Variants in FRMD4B observed in about 807,000 individuals in gnomAD.
FRMD4B encodes FERM domain containing 4B.
A neutral mutation model predicts 141.5 loss-of-function variants in FRMD4B; 74 were observed. The observed-to-expected ratio is 0.52, with a 90% CI of 0.43 to 0.63. The LOEUF (loss-of-function observed/expected upper bound fraction) is 0.63, where lower values mean the gene tolerates loss of function less well. Ranked by LOEUF, FRMD4B falls within the 30% of genes least tolerant of loss-of-function variation. The probability of loss-of-function intolerance (pLI) is 0.00; values close to 1 mark genes in which losing one functional copy is unlikely to be tolerated. For synonymous variants in FRMD4B, 506 were observed against 467.9 expected, an observed-to-expected ratio of 1.08 and a Z score of -1.05; for missense variants, 1,366 against 1,253.4, an observed-to-expected ratio of 1.09 and a Z score of -1.36.
At chr3:69,218,270 T>C in intron 10 of FRMD4B, 52 bp downstream of exon 10, 2 of 847,218 alleles carry the variant, frequency 2.4e-6, no homozygotes, top group Non-Finnish European at 2.0e-6. Context: ...AAGCTGGTAT[T>C]GTGCAATAAC....
At chr3:69,309,966 G>A (rs912247600) in intron 3 of FRMD4B, among the ~76,000 whole-genome samples, 9 of 152,136 alleles carry the variant, frequency 5.9e-5, no homozygotes, top group Admixed American at 5.9e-4. Context: ...ATTCGCAGGA[G>A]CTGGTGCTGG....
intron 5 of FRMD4B, among the ~76,000 whole-genome samples, chr3:69,256,288 G>A (rs896454186): frequency 6.6e-6 from 1 of 152,138 alleles, no homozygotes; most frequent in Non-Finnish European, 1.5e-5. Context: ...CATGGAGGTA[G>A]GAATATGCTG....
chr3:69,324,890 T>C (rs1024060932), intron 1 of FRMD4B, among the ~76,000 whole-genome samples: 7 of 150,360 alleles, frequency 4.7e-5, no homozygotes, highest in Admixed American at 2.7e-4. Context: ...AGCCCAGGAG[T>C]CTGAGATCAG....
intron 1 of FRMD4B, chr3:69,536,547 G>A (rs1701088683): frequency 1.4e-6 from 1 of 703,488 alleles, no homozygotes; most frequent in South Asian, 1.5e-5. Context: ...TGGGGAATAG[G>A]GGGGATGGTG....
intron 1 of FRMD4B, among the ~76,000 whole-genome samples, chr3:69,446,306 G>A (rs112230870): frequency 0.012 from 1,884 of 151,706 alleles, 31 homozygotes; most frequent in East Asian, 0.062. Flanking sequence ...GTTTGCAGGC[G>A]TGAGCCACCG....
chr3:69,433,010 A>G (rs1705204537), intron 1 of FRMD4B: 1 of 152,234 alleles, frequency 6.6e-6, no homozygotes, highest in African/African-American at 2.4e-5. Context: ...TACAGGATGC[A>G]TGTCACTGAA....
chr3:69,323,637 T>G, intron 1 of FRMD4B, among the ~76,000 whole-genome samples: 1 of 85,124 alleles, frequency 1.2e-5, no homozygotes, highest in Admixed American at 1.3e-4. Context: ...TATATATATA[T>G]ATATATATAT....
chr3:69,295,942 G>A (rs762107416), intron 4 of FRMD4B, among the ~76,000 whole-genome samples: 10 of 152,028 alleles, frequency 6.6e-5, no homozygotes, highest in Middle Eastern at 3.4e-3. Flanking sequence ...TCAGCCTCCC[G>A]CGTAGCTGGG....
rs73838313 is a variant in FRMD4B at position 69,228,503 on chromosome 3, C to G, written c.582-3813G>C. 1.6e-3 allele frequency: 716 copies of G among 455,148 alleles called. 3 individuals carry two copies. Among genetic ancestry groups the G allele is most frequent in the African/African-American group, 0.013 (644 of 50,128 alleles). The allele number at this position is 455,148 out of a possible 1,614,324, so 28.2% of individuals were successfully genotyped here. On this transcript the variant is annotated intron_variant, in intron 7 of 22. Transcript: ENST00000398540. ...TTTCATATAAGATACAGATTTGACT[C>G]TGTGTGATAGAGATCAAAACTTTAA...
intron 2 of FRMD4B, among the ~76,000 whole-genome samples, chr3:69,431,357 C>T (rs1705175833): frequency 6.6e-6 from 1 of 152,168 alleles, no homozygotes; most frequent in South Asian, 2.1e-4. Context: ...GTGCCTGGCA[C>T]CCATCAGTCC....
chr3:69,445,165 G>A (rs1462468857), intron 1 of FRMD4B, among the ~76,000 whole-genome samples: 3 of 152,082 alleles, frequency 2.0e-5, no homozygotes, highest in African/African-American at 4.8e-5. Context: ...TGCCCTGAAC[G>A]GGTGTCTGCT....
intron 1 of FRMD4B, among the ~76,000 whole-genome samples, chr3:69,530,556 C>CTT (rs968894178): frequency 6.9e-6 from 1 of 144,780 alleles, no homozygotes; most frequent in Non-Finnish European, 1.5e-5. Context: ...AATAAAACCT[C>CTT]TTTTTTTTTT....
chr3:69,337,424 A>T (rs1484340584), intron 1 of FRMD4B, among the ~76,000 whole-genome samples: 1 of 152,256 alleles, frequency 6.6e-6, no homozygotes, highest in African/African-American at 2.4e-5. Context: ...AAACACCAAA[A>T]GCAATGGCAA....
At chr3:69,241,259 A>C (rs550386978) in intron 7 of FRMD4B, among the ~76,000 whole-genome samples, 74 of 151,896 alleles carry the variant, frequency 4.9e-4, no homozygotes, top group Non-Finnish European at 1.0e-3. Context: ...CAGAAGCCTG[A>C]CTCCTACTCT....
intron 1 of FRMD4B, among the ~76,000 whole-genome samples, chr3:69,383,302 T>C (rs1421872740): frequency 1.3e-5 from 2 of 152,216 alleles, no homozygotes; most frequent in East Asian, 3.8e-4. Context: ...TAAAAAATGA[T>C]CTTCCTTTGC....
At chr3:69,286,951 C>T (rs1219207955) in intron 5 of FRMD4B, among the ~76,000 whole-genome samples, 1 of 152,116 alleles carries the variant, frequency 6.6e-6, no homozygotes, top group African/African-American at 2.4e-5. Flanking sequence ...ATTACAGGGG[C>T]ACACCACCAC....
intron 1 of FRMD4B, among the ~76,000 whole-genome samples, chr3:69,350,363 G>T (rs1190569750): frequency 5.9e-5 from 9 of 152,202 alleles, no homozygotes; most frequent in East Asian, 5.8e-4. Context: ...GGAACACTTT[G>T]ACACTGTTGG....
upstream of FRMD4B, chr3:69,386,131 C>T (rs1323348827): frequency 1.3e-6 from 1 of 765,362 alleles, no homozygotes; most frequent in Non-Finnish European, 2.0e-6. Context: ...CGTCTTTCAC[C>T]GTGCGTCCTG....
intron 5 of FRMD4B, among the ~76,000 whole-genome samples, chr3:69,285,731 C>A (rs1157099704): frequency 6.6e-6 from 1 of 152,082 alleles, no homozygotes; most frequent in Non-Finnish European, 1.5e-5. Context: ...ATAGTCCCAG[C>A]TACTCGGGAG....
Sources: allele counts gnomAD v4.1 joint callset (sites outside exome capture counted in the v4.1 genomes callset), GRCh38; gene constraint gnomAD v4.1.1; transcripts MANE v1.5; gene names NCBI Gene and HGNC (gene_info 2026-07-23, HGNC 2026-07-21).